Variants in CSMD1 observed in about 807,000 individuals in gnomAD.
CSMD1 encodes the protein CUB and Sushi multiple domains 1, also known as CUB and sushi domain-containing protein 1.
Under a neutral mutation model 417.5 loss-of-function variants are expected in CSMD1, and 213 were observed. The observed-to-expected ratio is 0.51, with a 90% CI of 0.46 to 0.57. The LOEUF (loss-of-function observed/expected upper bound fraction) is 0.57. CSMD1 is among the 20% of genes least tolerant of loss of function. The pLI is 0.00. For synonymous variants in CSMD1, 2,862 were observed against 1,736.8 expected, an observed-to-expected ratio of 1.65 and a Z score of -16.11; for missense variants, 6,923 against 4,529.7, an observed-to-expected ratio of 1.53 and a Z score of -15.17.
At chr8:3,880,005 G>C (rs750643302) in intron 5 of CSMD1, among the ~76,000 whole-genome samples, 3 of 152,000 alleles carry the variant, frequency 2.0e-5, no homozygotes, top group Non-Finnish European at 2.9e-5. Context: ...ATTCTGTACC[G>C]AAGTTACTGA....
chr8:4,115,737 T>G (rs368480397), intron 3 of CSMD1, among the ~76,000 whole-genome samples: 1 of 152,062 alleles, frequency 6.6e-6, no homozygotes, highest in Non-Finnish European at 1.5e-5. Context: ...GACAATGGAC[T>G]GTCAATATTC....
chr8:3,551,378 G>C (rs890155344), intron 10 of CSMD1, among the ~76,000 whole-genome samples: 1 of 152,108 alleles, frequency 6.6e-6, no homozygotes, highest in East Asian at 1.9e-4. Context: ...TTAAGCCTAA[G>C]AGTAGATGCA....
intron 3 of CSMD1, among the ~76,000 whole-genome samples, chr8:4,059,215 G>A (rs565498175): frequency 4.4e-4 from 67 of 152,240 alleles, no homozygotes; most frequent in Non-Finnish European, 6.3e-4. Context: ...CGAAATGAAG[G>A]CAGAAATAAA....
chr8:4,721,174 A>G (rs1809029871), intron 1 of CSMD1, among the ~76,000 whole-genome samples: 1 of 152,194 alleles, frequency 6.6e-6, no homozygotes, highest in South Asian at 2.1e-4. Flanking sequence ...AAATTAAACT[A>G]TTGCGATCCA....
At chr8:3,809,526 G>C (rs1010312495) in intron 5 of CSMD1, among the ~76,000 whole-genome samples, 3 of 152,148 alleles carry the variant, frequency 2.0e-5, no homozygotes, top group Non-Finnish European at 4.4e-5. Context: ...CCAGAAATTA[G>C]TGGGTTCTCA....
chr8:2,950,450 A>G, intron 66 of CSMD1, 107 bp from the exon 67 acceptor site: 1 of 693,036 alleles, frequency 1.4e-6, no homozygotes. Flanking sequence ...ATCATCGATA[A>G]TAGAAAACTC....
chr8:4,737,350 G>C (rs1031021204), intron 1 of CSMD1, among the ~76,000 whole-genome samples: 1 of 152,048 alleles, frequency 6.6e-6, no homozygotes, highest in African/African-American at 2.4e-5. Flanking sequence ...TGGAGGGTTG[G>C]AGGAGAGAGA....
intron 3 of CSMD1, among the ~76,000 whole-genome samples, chr8:4,295,523 A>C (rs1002716022): frequency 1.4e-5 from 2 of 144,584 alleles, no homozygotes; most frequent in Non-Finnish European, 3.0e-5. Context: ...AATCTTATAT[A>C]TATTACATAT....
At chr8:4,110,947 A>G (rs987379807) in intron 3 of CSMD1, among the ~76,000 whole-genome samples, 17 of 152,316 alleles carry the variant, frequency 1.1e-4, no homozygotes, top group African/African-American at 3.6e-4. Context: ...TGATCAATTA[A>G]TAAGTATTAC....
intron 7 of CSMD1, among the ~76,000 whole-genome samples, chr8:3,690,503 C>G (rs1563276331): frequency 6.6e-6 from 1 of 152,216 alleles, no homozygotes; most frequent in African/African-American, 2.4e-5. Context: ...TCTGTACTAA[C>G]TAGGGGACGC....
intron 12 of CSMD1, among the ~76,000 whole-genome samples, chr8:3,459,074 G>A (rs957029650): frequency 1.3e-5 from 2 of 152,216 alleles, no homozygotes; most frequent in African/African-American, 2.4e-5. Flanking sequence ...CGCCAGTGTG[G>A]GGGAGAACGA....
chr8:4,345,075 G>C (rs1584932298), intron 3 of CSMD1, among the ~76,000 whole-genome samples: 2 of 152,078 alleles, frequency 1.3e-5, no homozygotes, highest in South Asian at 4.1e-4. Context: ...CTGTGGTTGG[G>C]GCTTAGAAAG....
At chr8:4,233,115 A>G (rs1271736780) in intron 3 of CSMD1, among the ~76,000 whole-genome samples, 1 of 152,244 alleles carries the variant, frequency 6.6e-6, no homozygotes, top group East Asian at 1.9e-4. Flanking sequence ...GGAAAATGCT[A>G]TCACTTATCC....
At chr8:4,216,113 C>G (rs1014842890) in intron 3 of CSMD1, among the ~76,000 whole-genome samples, 5 of 152,188 alleles carry the variant, frequency 3.3e-5, no homozygotes, top group East Asian at 1.9e-4. Flanking sequence ...TCTTCTCAAT[C>G]TGGCTGCCAC....
intron 4 of CSMD1, among the ~76,000 whole-genome samples, chr8:4,010,430 T>G (rs903623819): frequency 6.6e-6 from 1 of 152,146 alleles, no homozygotes; most frequent in Non-Finnish European, 1.5e-5. Flanking sequence ...CATTTCAATG[T>G]CAACACAGGT....
chr8:3,141,626 G>A (rs550920884), intron 41 of CSMD1, among the ~76,000 whole-genome samples: 1 of 152,184 alleles, frequency 6.6e-6, no homozygotes, highest in East Asian at 1.9e-4. Context: ...TGCAGACCCT[G>A]CACCTGGTGG....
chr8:4,428,868 C>A (rs977102473), intron 2 of CSMD1, among the ~76,000 whole-genome samples: 3 of 152,026 alleles, frequency 2.0e-5, no homozygotes, highest in Non-Finnish European at 4.4e-5. Context: ...ACAGGCACCA[C>A]CACGTCCAGC....
At chr8:3,796,582 AATAT>A (rs1306681907) in intron 5 of CSMD1, among the ~76,000 whole-genome samples, 2 of 146,430 alleles carry the variant, frequency 1.4e-5, no homozygotes, top group African/African-American at 5.0e-5. Context: ...TCTAAGATAT[AATAT>A]ATAGATATAT....
intron 1 of CSMD1, among the ~76,000 whole-genome samples, chr8:4,911,054 C>T (rs1805636389): frequency 6.6e-6 from 1 of 152,184 alleles, no homozygotes; most frequent in South Asian, 2.1e-4. Flanking sequence ...GTGACTTGCT[C>T]CTCCTTGCCT....
Sources: gnomAD v4.1 joint callset for allele counts (sites outside exome capture counted in the v4.1 genomes callset) on GRCh38, gnomAD v4.1.1 for gene constraint, MANE v1.5 for transcripts, NCBI Gene and HGNC (gene_info 2026-07-23, HGNC 2026-07-21) for gene names.